Variants in ARIH2 observed in about 807,000 individuals in gnomAD.
The protein encoded by ARIH2 is E3 ubiquitin-protein ligase ARIH2.
In ARIH2, 12 loss-of-function variants were observed where a neutral mutation model predicts 79.8. That is an observed-to-expected ratio of 0.15 (90% CI 0.10 to 0.24). The LOEUF (loss-of-function observed/expected upper bound fraction) is 0.24. Ranked by LOEUF, ARIH2 falls within the 10% of genes least tolerant of loss-of-function variation. The pLI, the probability that ARIH2 is intolerant of heterozygous loss-of-function variation, is 1.00. For missense variants in ARIH2, 301 were observed against 618.3 expected, an observed-to-expected ratio of 0.49 and a Z score of 5.44; for synonymous variants, 224 against 213.9, an observed-to-expected ratio of 1.05 and a Z score of -0.41.
rs143225626 is a variant in ARIH2 at position 48,923,325 on chromosome 3, G to A, written c.-98+514G>A. Among the ~76,000 whole-genome samples, 1,191 of 151,766 alleles carry A rather than the reference G, an allele frequency of 7.8e-3. 12 individuals are homozygous for A. The highest frequency in any genetic ancestry group is 0.027 in the African/African-American group (1,135 of 41,410). On this transcript the variant is annotated intron_variant, in intron 2 of 15. Coordinates refer to ENST00000356401, the MANE Select transcript of ARIH2 (RefSeq NM_006321.4). ...TGAGGCAGGAGAATTGCTTGAACCCGGAAGGCAGAGGTTGCAGTGAGCTGA... is the reference window on the plus strand; with the variant it reads ...TGAGGCAGGAGAATTGCTTGAACCCAGAAGGCAGAGGTTGCAGTGAGCTGA...
At chr3:48,936,751 C>G (rs992210415) in intron 3 of ARIH2, among the ~76,000 whole-genome samples, 1 of 147,922 alleles carries the variant, frequency 6.8e-6, no homozygotes, top group Non-Finnish European at 1.5e-5. Flanking sequence ...AAAAACAGGC[C>G]GGGCGCTGTG....
intron 3 of ARIH2, 196 bp downstream of exon 3, chr3:48,928,009 T>C: frequency 1.6e-6 from 1 of 634,400 alleles, no homozygotes; most frequent in Non-Finnish European, 2.6e-6. Context: ...GGTCCTCAGA[T>C]TCCCAAATTA....
intron 7 of ARIH2, among the ~76,000 whole-genome samples, chr3:48,969,009 G>A (rs558595855): frequency 8.6e-5 from 13 of 152,014 alleles, no homozygotes; most frequent in African/African-American, 2.7e-4. Context: ...TCAGCCTCCC[G>A]AGTAGCTGGG....
intron 3 of ARIH2, 130 bp from the exon 4 acceptor site, chr3:48,961,482 C>G (rs1422243607): frequency 5.6e-6 from 3 of 536,620 alleles, no homozygotes; most frequent in Non-Finnish European, 1.0e-5. Context: ...AGCAGAGAAC[C>G]AAGAGGAGGA....
chr3:48,951,078 T>C (rs1254421764), intron 3 of ARIH2, among the ~76,000 whole-genome samples: 1 of 151,638 alleles, frequency 6.6e-6, no homozygotes, highest in African/African-American at 2.4e-5. Flanking sequence ...TCCTTCTACC[T>C]CAGCCTCCCA....
rs558608008 is a variant in ARIH2, at chr3:48,950,402, A to G, written c.256-11210A>G. Among the ~76,000 whole-genome samples the G allele has an allele frequency of 2.6e-5, 4 of 152,178 alleles. No homozygotes were observed. In the South Asian group the frequency reaches 8.3e-4, roughly 31 times the overall value. On this transcript the variant is annotated intron_variant, in intron 3 of 15. Coordinates refer to ENST00000356401, the MANE Select transcript of ARIH2 (RefSeq NM_006321.4). ...TAAAAGCTTAATTTTGATGAAGTCC[A>G]GTATCTCCACTGTCTTGATTACCGT...
In ARIH2 at chr3:48,918,964, G is replaced by C. The variant is rs2084304671; in HGVS notation, c.-196G>C. The C allele has an allele frequency of 6.7e-7, 1 of 1,500,558 alleles. No individual in the cohort carries two copies. The highest frequency in any genetic ancestry group is 2.5e-5 in the Admixed American group (1 of 39,996). The allele number at this position is 1,500,558 out of a possible 1,614,324, so 93.0% of individuals were successfully genotyped here. A position where few individuals can be genotyped will look rare whatever the true frequency, so the allele number is the denominator to read the frequency against. On this transcript the variant is annotated 5_prime_UTR_variant, in exon 1 of 16. Coordinates refer to ENST00000356401, the MANE Select transcript of ARIH2 (RefSeq NM_006321.4). ...GGCCCGGCCTGACCCGGTCTGGCTT[G>C]TTCGGGCTCAGCGGCCGCGAGGCCG...
intron 3 of ARIH2, among the ~76,000 whole-genome samples, chr3:48,934,085 C>T (rs2086784736): frequency 6.6e-6 from 1 of 152,106 alleles, no homozygotes; most frequent in Non-Finnish European, 1.5e-5. Flanking sequence ...TAAGATTCTG[C>T]TGTGGATAAT....
chr3:48,956,682 G>A (rs2090623437), intron 3 of ARIH2, among the ~76,000 whole-genome samples: 1 of 148,088 alleles, frequency 6.8e-6, no homozygotes, highest in Non-Finnish European at 1.5e-5. Flanking sequence ...GTGTGTGTGT[G>A]TGTGTGTGTG....
At chr3:48,960,165 A>G (rs1279205006) in intron 3 of ARIH2, among the ~76,000 whole-genome samples, 1 of 152,224 alleles carries the variant, frequency 6.6e-6, no homozygotes, top group East Asian at 1.9e-4. Flanking sequence ...TAAGGCTTCC[A>G]AACACATCCC....
At chr3:48,919,272 CCTCT>C (rs2084390963) in intron 1 of ARIH2, 1 of 1,139,172 alleles carries the variant, frequency 8.8e-7, no homozygotes, top group Non-Finnish European at 1.1e-6. Flanking sequence ...ACATCTAGGC[CCTCT>C]CTCCCTGTCT....
chr3:48,979,925 T>C (rs1448206684), intron 12 of ARIH2: 2 of 308,714 alleles, frequency 6.5e-6, no homozygotes, highest in East Asian at 5.3e-5. Flanking sequence ...TTTTTTTTTT[T>C]TTCTTTTTTC....
intron 11 of ARIH2, among the ~76,000 whole-genome samples, chr3:48,977,746 C>G (rs2092585703): frequency 6.6e-6 from 1 of 152,164 alleles, no homozygotes; most frequent in Admixed American, 6.5e-5. Flanking sequence ...CGTGAGGCAC[C>G]GTGCCCGGCC....
intron 3 of ARIH2, among the ~76,000 whole-genome samples, chr3:48,940,201 G>A (rs1002920652): frequency 4.0e-5 from 6 of 151,848 alleles, no homozygotes; most frequent in Admixed American, 6.6e-5. Flanking sequence ...GCGAGACTCC[G>A]TCTCAAAAAA....
chr3:48,980,954 G>A (rs1056296510), intron 13 of ARIH2, among the ~76,000 whole-genome samples: 1 of 140,198 alleles, frequency 7.1e-6, no homozygotes, highest in Admixed American at 7.7e-5. Context: ...CTGGGAGTCA[G>A]AGGCTGCAGT....
intron 3 of ARIH2, chr3:48,945,231 T>C (rs1178168034): frequency 1.6e-6 from 2 of 1,282,990 alleles, no homozygotes; most frequent in Non-Finnish European, 2.0e-6. Context: ...CTGGATTTCT[T>C]TTTTCTGGGG....
At chr3:48,940,423 G>C (rs2087931863) in intron 3 of ARIH2, among the ~76,000 whole-genome samples, 1 of 152,094 alleles carries the variant, frequency 6.6e-6, no homozygotes. Flanking sequence ...GCCAAGTCTG[G>C]ATGCGGTGGC....
intron 3 of ARIH2, among the ~76,000 whole-genome samples, chr3:48,931,817 G>A (rs906032068): frequency 4.6e-5 from 7 of 152,066 alleles, no homozygotes; most frequent in African/African-American, 1.7e-4. Context: ...GAGAGCCCTG[G>A]CTAACACAGT....
In ARIH2 at chr3:48,985,541, A is replaced by G. The variant is rs1360813129; in HGVS notation, c.*2271A>G. The G allele has an allele frequency of 2.0e-5, 3 of 152,232 alleles. No homozygotes were observed. The highest frequency in any genetic ancestry group is 2.0e-4 in the Admixed American group (3 of 15,284). The allele number at this position is 152,232 out of a possible 1,614,324, so 9.4% of individuals were successfully genotyped here. On this transcript the variant is annotated 3_prime_UTR_variant, in exon 16 of 16. Coordinates refer to ENST00000356401, the MANE Select transcript of ARIH2 (RefSeq NM_006321.4). ...AAACTGTAAGTTTCTGATTATAAAA[A>G]TGTGTCTAGAGTCTTTCTTCATGGG... is the stretch of plus-strand genomic sequence containing the variant.
Sources: gnomAD v4.1 joint callset for allele counts (sites outside exome capture counted in the v4.1 genomes callset) on GRCh38, gnomAD v4.1.1 for gene constraint, MANE v1.5 for transcripts, NCBI Gene and HGNC (gene_info 2026-07-23, HGNC 2026-07-21) for gene names.